The following SMOC2 variants were observed in gnomAD, a reference collection of about 807,000 sequenced individuals.
SMOC2 encodes SPARC-related modular calcium-binding protein 2.
In SMOC2, 39 loss-of-function variants were observed where a neutral mutation model predicts 61.4. The ratio of observed to expected loss-of-function variants is 0.64; its 90% CI spans 0.49 to 0.83. The LOEUF (loss-of-function observed/expected upper bound fraction) is 0.83. SMOC2 is among the 40% of genes least tolerant of loss of function. The pLI is 0.00. For synonymous variants in SMOC2, 247 were observed against 239.9 expected (o/e 1.03, Z -0.27); for missense variants, 556 against 592.9 (o/e 0.94, Z 0.65).
At chr6:168,547,634 C>G (rs4708749) in intron 6 of SMOC2, among the ~76,000 whole-genome samples, 90,863 of 151,816 alleles carry the variant, frequency 0.6, 28,098 homozygotes, top group East Asian at 0.97. Flanking sequence ...CCACACGCCC[C>G]TGAAGTAACT....
intron 8 of SMOC2, among the ~76,000 whole-genome samples, chr6:168,600,405 C>G (rs1785512698): frequency 1.1e-5 from 1 of 94,982 alleles, no homozygotes; most frequent in Non-Finnish European, 2.0e-5. Context: ...GAAACTCTGC[C>G]TCAAAAAAAA....
chr6:168,547,093 G>T (rs1173745499), intron 5 of SMOC2, 26 bp from the exon 6 acceptor site: 9 of 1,613,924 alleles, frequency 5.6e-6, no homozygotes, highest in Non-Finnish European at 7.6e-6. Flanking sequence ...TAGTCTCCTT[G>T]CAAATCTTTT....
At chr6:168,617,222 GAA>G (rs1786117330) in intron 9 of SMOC2, among the ~76,000 whole-genome samples, 1 of 152,014 alleles carries the variant, frequency 6.6e-6, no homozygotes, top group African/African-American at 2.4e-5. Flanking sequence ...CAGGAATAGA[GAA>G]ATTAAATAAA....
At chr6:168,572,964 G>A (rs1467468226) in intron 7 of SMOC2, among the ~76,000 whole-genome samples, 7 of 70,944 alleles carry the variant, frequency 9.9e-5, no homozygotes, top group African/African-American at 8.1e-5. Context: ...GTGCTCCTTG[G>A]ACGCGATGCT....
chr6:168,490,983 C>A (rs1782460038), intron 1 of SMOC2, among the ~76,000 whole-genome samples: 2 of 152,192 alleles, frequency 1.3e-5, no homozygotes, highest in African/African-American at 4.8e-5. Context: ...CCGTAGGACT[C>A]TGGAGAGGTC....
At chr6:168,572,213 G>C (rs111538390) in intron 7 of SMOC2, among the ~76,000 whole-genome samples, 25 of 38,804 alleles carry the variant, frequency 6.4e-4, no homozygotes, top group Middle Eastern at 0.015. Flanking sequence ...GGGCTGCGTG[G>C]TCCCTGAACG....
chr6:168,560,430 T>C (rs1784374497), intron 7 of SMOC2, among the ~76,000 whole-genome samples: 1 of 152,266 alleles, frequency 6.6e-6, no homozygotes, highest in African/African-American at 2.4e-5. Context: ...TTCAAGGTCA[T>C]ATTTATTTTT....
intron 7 of SMOC2, among the ~76,000 whole-genome samples, chr6:168,592,341 G>T (rs373105366): frequency 8.1e-6 from 1 of 123,998 alleles, no homozygotes; most frequent in African/African-American, 2.8e-5. Flanking sequence ...GAGGATCTCC[G>T]AGCTCCTCCT....
At chr6:168,476,024 A>C (rs1237528954) in intron 1 of SMOC2, among the ~76,000 whole-genome samples, 1 of 152,148 alleles carries the variant, frequency 6.6e-6, no homozygotes, top group Non-Finnish European at 1.5e-5. Flanking sequence ...ACAGGTACAG[A>C]GATGAGGTTG....
At chr6:168,532,830 A>T (rs1260605287) in intron 4 of SMOC2, among the ~76,000 whole-genome samples, 1 of 152,158 alleles carries the variant, frequency 6.6e-6, no homozygotes, top group Non-Finnish European at 1.5e-5. Flanking sequence ...CTGCCTTCTA[A>T]AGTAGGGACC....
intron 9 of SMOC2, among the ~76,000 whole-genome samples, chr6:168,615,255 C>CGGGGCCTTTTCACACCTACAGCCAGCAT (rs1786041428): frequency 1.1e-5 from 1 of 94,260 alleles, no homozygotes; most frequent in African/African-American, 4.3e-5. Context: ...ACAGCCAGCA[C>CGGGGCCTTTTCACACCTACAGCCAGCAT]GGGGCCTTTT....
chr6:168,623,730 T>C (rs1290297466), intron 9 of SMOC2, among the ~76,000 whole-genome samples: 2 of 151,944 alleles, frequency 1.3e-5, no homozygotes, highest in Non-Finnish European at 2.9e-5. Flanking sequence ...GGCGGAAGGA[T>C]TGCTTGAGTC....
chr6:168,602,688 G>A (rs772648115), intron 8 of SMOC2, among the ~76,000 whole-genome samples: 39 of 152,336 alleles, frequency 2.6e-4, no homozygotes, highest in Non-Finnish European at 4.9e-4. Flanking sequence ...AGTGGAAGGG[G>A]AGGCAGCCTG....
At chr6:168,489,536 T>C (rs1479941839) in intron 1 of SMOC2, among the ~76,000 whole-genome samples, 1 of 150,800 alleles carries the variant, frequency 6.6e-6, no homozygotes, top group Non-Finnish European at 1.5e-5. Flanking sequence ...CACACTGTTT[T>C]AGAATGAAAT....
chr6:168,530,687 C>T (rs974496188), intron 4 of SMOC2, among the ~76,000 whole-genome samples: 2 of 140,348 alleles, frequency 1.4e-5, no homozygotes, highest in Non-Finnish European at 3.0e-5. Context: ...AATGAAAAAC[C>T]GTGATTCTAT....
At chr6:168,467,136 A>AAC (rs10536582) in intron 1 of SMOC2, among the ~76,000 whole-genome samples, 20,425 of 133,112 alleles carry the variant, frequency 0.15, 1,560 homozygotes, top group East Asian at 0.23. Flanking sequence ...AGTGCTCTCA[A>AAC]ACACACACAC....
chr6:168,547,701 G>A (rs1784039197), intron 6 of SMOC2, among the ~76,000 whole-genome samples: 1 of 151,988 alleles, frequency 6.6e-6, no homozygotes, highest in African/African-American at 2.4e-5. Context: ...CTGGGTAAAT[G>A]TGTATCTAAA....
At chr6:168,508,755 C>T (rs1042490003) in intron 1 of SMOC2, among the ~76,000 whole-genome samples, 2 of 152,222 alleles carry the variant, frequency 1.3e-5, no homozygotes, top group African/African-American at 4.8e-5. Context: ...CACAAATGTC[C>T]CTGGGTGAAC....
intron 1 of SMOC2, among the ~76,000 whole-genome samples, chr6:168,462,628 C>T (rs973814238): frequency 2.6e-5 from 4 of 152,098 alleles, no homozygotes; most frequent in Admixed American, 6.5e-5. Context: ...ATGAATGACA[C>T]GAAGTCACAT....
Sources: allele counts gnomAD v4.1 joint callset (sites outside exome capture counted in the v4.1 genomes callset), GRCh38; gene constraint gnomAD v4.1.1; transcripts MANE v1.5; gene names NCBI Gene and HGNC (gene_info 2026-07-23, HGNC 2026-07-21).